The following PLB1 variants were observed in gnomAD, a reference collection of about 807,000 sequenced individuals.
PLB1 encodes the protein phospholipase B1, membrane-associated.
A neutral mutation model predicts 227.4 loss-of-function variants in PLB1; 242 were observed. The observed-to-expected ratio is 1.06, with a 90% CI of 0.96 to 1.18. The LOEUF (loss-of-function observed/expected upper bound fraction) is 1.18, where lower values mean the gene tolerates loss of function less well. Among genes scored for constraint, PLB1 ranks in the 50% most tolerant of loss-of-function variants. The pLI is 0.00. For synonymous variants in PLB1, 757 were observed against 682.2 expected (o/e 1.11, Z -1.71); for missense variants, 1,858 against 1,816.3 (o/e 1.02, Z -0.42).
At chr2:28,602,111 A>AG in intron 38 of PLB1, 147 bp downstream of exon 38, 4 of 758,372 alleles carry the variant, frequency 5.3e-6, no homozygotes, top group Non-Finnish European at 8.7e-6. Flanking sequence ...GTTGGGGTCT[A>AG]ACCCCAAGGA....
chr2:28,635,724 C>T (rs1484445300), intron 56 of PLB1, among the ~76,000 whole-genome samples: 3 of 151,628 alleles, frequency 2.0e-5, no homozygotes, highest in African/African-American at 7.3e-5. Context: ...GAAGCTCCAG[C>T]AGCACCAGGG....
chr2:28,531,296 T>C (rs906904364), intron 8 of PLB1, among the ~76,000 whole-genome samples: 1 of 152,014 alleles, frequency 6.6e-6, no homozygotes, highest in Admixed American at 6.6e-5. Context: ...GATGTTGTTT[T>C]TTGTTTTTTG....
intron 23 of PLB1, 21 bp downstream of exon 23, chr2:28,579,728 C>T: frequency 1.3e-6 from 2 of 1,591,220 alleles, no homozygotes; most frequent in Non-Finnish European, 1.7e-6. Context: ...AGGCACTTTA[C>T]TCAAGACTCA....
intron 43 of PLB1, among the ~76,000 whole-genome samples, chr2:28,606,772 G>A (rs147088838): frequency 6.6e-6 from 1 of 152,332 alleles, no homozygotes; most frequent in Non-Finnish European, 1.5e-5. Context: ...ATTGGGAACA[G>A]GAGATGCAGC....
At chr2:28,593,121 CCTT>C (rs905547282) in intron 32 of PLB1, among the ~76,000 whole-genome samples, 11 of 152,154 alleles carry the variant, frequency 7.2e-5, no homozygotes, top group African/African-American at 2.4e-4. Context: ...CAGCAGGACT[CCTT>C]AGTTGTGGAT....
chr2:28,598,135 C>CA, intron 34 of PLB1, 87 bp downstream of exon 34: 1 of 1,110,638 alleles, frequency 9.0e-7, no homozygotes, highest in Non-Finnish European at 1.3e-6. Flanking sequence ...AGGTAAGCAG[C>CA]AAATGACATC....
Position 28,619,367 on chromosome 2 carries a change from TCAC to T in PLB1, c.3316-894_3316-892del, listed in dbSNP as rs1469949663. The stretch of plus-strand genomic sequence containing the variant: ...TGTGGAAAGGCACATATGAGTCTGT[TCAC>T]CACTAATGAGCTCTGGTGGTATTTG... On this transcript the variant is annotated intron_variant, in intron 46 of 57. Transcript: ENST00000327757. Among the ~76,000 whole-genome samples the T allele has an allele frequency of 3.9e-5, 6 of 152,328 alleles. No homozygotes were observed. The East Asian group carries it at 7.7e-4, about 20-fold the overall frequency.
chr2:28,619,995 G>A (rs1686795736), intron 46 of PLB1, among the ~76,000 whole-genome samples: 1 of 152,136 alleles, frequency 6.6e-6, no homozygotes, highest in African/African-American at 2.4e-5. Context: ...TCTCAGTTAG[G>A]AACACGGCAA....
At position 28,563,016 on chromosome 2, in the gene PLB1, C is replaced by T; in HGVS notation, c.1148-25C>T. ...GTGCTTTCCTGGAAGCCCCATTTTC[C>T]ACTCACTCCTGCTTATATTCTTAGT... is the stretch of plus-strand genomic sequence containing the variant. On this transcript the variant is annotated intron_variant, in intron 17 of 57. Transcript: ENST00000327757. The T allele has an allele frequency of 1.9e-6, 3 of 1,605,588 alleles. No individual in the cohort carries two copies. The South Asian group carries it at 3.3e-5, about 18-fold the overall frequency.
intron 20 of PLB1, among the ~76,000 whole-genome samples, chr2:28,569,457 G>A (rs552207182): frequency 6.6e-6 from 1 of 152,264 alleles, no homozygotes; most frequent in East Asian, 1.9e-4. Flanking sequence ...GCATGAGATT[G>A]CAAAGTTCAA....
chr2:28,546,221 C>T (rs113709331), intron 14 of PLB1, among the ~76,000 whole-genome samples: 2 of 152,206 alleles, frequency 1.3e-5, no homozygotes, highest in African/African-American at 4.8e-5. Context: ...CTTTCTGCTG[C>T]TGCCGCAATA....
chr2:28,611,450 T>C (rs1406299321), intron 43 of PLB1, among the ~76,000 whole-genome samples: 1 of 152,166 alleles, frequency 6.6e-6, no homozygotes, highest in Non-Finnish European at 1.5e-5. Flanking sequence ...CCACTGAGTC[T>C]TGTCTCTGAG....
intron 33 of PLB1, chr2:28,594,202 C>A (rs1199401489): frequency 2.8e-6 from 1 of 363,558 alleles, no homozygotes; most frequent in Non-Finnish European, 5.7e-6. Flanking sequence ...CCTCTGAAAC[C>A]CATCGCACAC....
intron 25 of PLB1, among the ~76,000 whole-genome samples, chr2:28,582,884 G>GC (rs1236783439): frequency 1.3e-5 from 2 of 152,160 alleles, no homozygotes; most frequent in Non-Finnish European, 2.9e-5. Context: ...GAGCTGATCT[G>GC]CCCCCTCCTA....
At position 28,643,495 on chromosome 2, in the gene PLB1, G is replaced by A. The variant is rs1690185913; in HGVS notation, c.*434G>A. 6.0e-6 allele frequency: 1 copy of A among 165,972 alleles called. No homozygotes were observed. Among genetic ancestry groups the A allele is most frequent in the African/African-American group, 2.4e-5 (1 of 41,948 alleles). The allele number at this position is 165,972 out of a possible 1,614,324, so 10.3% of individuals were successfully genotyped here. On this transcript the variant is annotated 3_prime_UTR_variant, in exon 58 of 58. Transcript: ENST00000327757. ...GGTGGCTGGAATTTTGGAGCTGGCT[G>A]GTTGCCATTCAGTCCAATCCAACAC...
Position 28,510,778 on chromosome 2 carries a change from T to TTGTGTGTGTGTGTGTGTGTGTG in PLB1, c.56-6024_56-6003dup, listed in dbSNP as rs55672002. ...GGCATGCACCACCACACTCAGATAA[T>TTGTGTGTGTGTGTGTGTGTGTG]TGTGTGTGTGTGTGTGTGTGTGTGT... On this transcript the variant is annotated intron_variant, in intron 1 of 57. Coordinates refer to ENST00000327757, the MANE Select transcript of PLB1 (RefSeq NM_153021.5). 4.2e-3 allele frequency among the ~76,000 whole-genome samples: 598 copies of TTGTGTGTGTGTGTGTGTGTGTG among 141,574 alleles called. 9 individuals are homozygous for TTGTGTGTGTGTGTGTGTGTGTG. Among genetic ancestry groups the TTGTGTGTGTGTGTGTGTGTGTG allele is most frequent in the South Asian group, 0.014 (59 of 4,302 alleles). The allele number at this position is 141,574 out of a possible 152,430, so 92.9% of individuals were successfully genotyped here. A position where few individuals can be genotyped will look rare whatever the true frequency, so the allele number is the denominator to read the frequency against.
At chr2:28,507,121 G>A (rs550037475) in intron 1 of PLB1, among the ~76,000 whole-genome samples, 27 of 152,290 alleles carry the variant, frequency 1.8e-4, no homozygotes, top group African/African-American at 6.3e-4. Context: ...GCTGATTGTG[G>A]AAGATATTAG....
At chr2:28,501,442 G>A (rs1667091846) in intron 1 of PLB1, among the ~76,000 whole-genome samples, 1 of 152,054 alleles carries the variant, frequency 6.6e-6, no homozygotes, top group African/African-American at 2.4e-5. Context: ...TTCTTTCTGT[G>A]TAATTATATA....
At chr2:28,628,690 A>C (rs1184643409) in intron 52 of PLB1, 62 bp downstream of exon 52, 4 of 1,522,868 alleles carry the variant, frequency 2.6e-6, no homozygotes, top group Non-Finnish European at 3.6e-6. Flanking sequence ...GCATGTAGGC[A>C]GGCTGTGTTC....
Sources: gnomAD v4.1 joint callset for allele counts (sites outside exome capture counted in the v4.1 genomes callset) on GRCh38, gnomAD v4.1.1 for gene constraint, MANE v1.5 for transcripts, NCBI Gene and HGNC (gene_info 2026-07-23, HGNC 2026-07-21) for gene names.